ONECUT1: variants seen among roughly 807,000 people sequenced by gnomAD.
ONECUT1 encodes one cut homeobox 1.
Under a neutral mutation model 25.6 loss-of-function variants are expected in ONECUT1, and 12 were observed. That is an observed-to-expected ratio of 0.47 (90% CI 0.30 to 0.76). The LOEUF is 0.76. Ranked by LOEUF, ONECUT1 falls within the 30% of genes least tolerant of loss-of-function variation. The pLI is 0.07. For missense variants in ONECUT1, 620 were observed against 651.2 expected (o/e 0.95, Z 0.52); for synonymous variants, 285 against 270.2 (o/e 1.05, Z -0.54).
chr15:52,759,718 G>A lies in ONECUT1; in HGVS notation c.1106-1871C>T, dbSNP rs928750660. On this transcript the variant is annotated intron_variant, in intron 1 of 1. Coordinates refer to ENST00000305901, the MANE Select transcript of ONECUT1 (RefSeq NM_004498.4). ...GGGCTCAAGCGATCCTCTCACCTCAGCCTCTGGAGTAGCTGGCACTACAGG... is the reference window on the plus strand; with the variant it reads ...GGGCTCAAGCGATCCTCTCACCTCAACCTCTGGAGTAGCTGGCACTACAGG... 7.2e-5 allele frequency among the ~76,000 whole-genome samples: 11 copies of A among 152,098 alleles called. No homozygotes were observed. In the East Asian group the frequency reaches 1.9e-3, roughly 27 times the overall value.
intron 1 of ONECUT1, among the ~76,000 whole-genome samples, chr15:52,777,401 G>A (rs1214781374): frequency 4.6e-5 from 7 of 152,082 alleles, no homozygotes; most frequent in Non-Finnish European, 1.0e-4. Context: ...AGAGGAATAG[G>A]ACACCCTCAG....
chr15:52,776,163 G>A lies in ONECUT1; in HGVS notation c.1105+12617C>T, dbSNP rs150167497. ...TCTCTCTCAGTAAGTAACAGGTTCC[G>A]GTGAGGCAGAAACAATCTAACTGAT... On this transcript the variant is annotated intron_variant, in intron 1 of 1. Coordinates refer to ENST00000305901, the MANE Select transcript of ONECUT1 (RefSeq NM_004498.4). 4.8e-4 allele frequency among the ~76,000 whole-genome samples: 73 copies of A among 152,280 alleles called. 1 individual carries two copies. The highest frequency in any genetic ancestry group is 3.4e-3 in the Middle Eastern group (1 of 294).
rs1555414730 is a variant in ONECUT1, at chr15:52,755,882, A to C, written c.*1673T>G. On this transcript the variant is annotated 3_prime_UTR_variant, in exon 2 of 2. Coordinates refer to ENST00000305901, the MANE Select transcript of ONECUT1 (RefSeq NM_004498.4). ...ACTGGGGTACCACTAATACGACTTC[A>C]TTTTTTTTTTGACTTTGACTTCTAC... is the stretch of plus-strand genomic sequence containing the variant. Among the ~76,000 whole-genome samples the C allele has an allele frequency of 6.7e-6, 1 of 149,628 alleles. No homozygotes were observed. Among genetic ancestry groups the C allele is most frequent in the Non-Finnish European group, 1.5e-5 (1 of 67,186 alleles).
In ONECUT1 at chr15:52,784,672, G is replaced by A. The variant is rs1596057066; in HGVS notation, c.1105+4108C>T. ...CTACACCCTCGAGGGGACAGACACC[G>A]GCCGTGAGACAGGCACCACGCAGAG... On this transcript the variant is annotated intron_variant, in intron 1 of 1. Transcript: ENST00000305901. The surrounding 1 kb of genome is among the most constrained non-coding windows in gnomAD (Gnocchi z 5.0). 6.6e-6 allele frequency among the ~76,000 whole-genome samples: 1 copy of A among 152,342 alleles called. No individual in the cohort carries two copies. The highest frequency in any genetic ancestry group is 1.9e-4 in the East Asian group (1 of 5,186).
intron 1 of ONECUT1, chr15:52,780,490 A>G: frequency 8.4e-7 from 1 of 1,196,956 alleles, no homozygotes; most frequent in Non-Finnish European, 1.2e-6. Context: ...TTAGTGTGAC[A>G]AATATGTCTT....
In ONECUT1 at chr15:52,790,071, G is replaced by A. The variant is rs962572881; in HGVS notation, c.-187C>T. ...TGTGTCCGTGTGTGCGTGTGCGTGT[G>A]TGTGTGTGTGTGTGTCTCGCCTTCC... On this transcript the variant is annotated 5_prime_UTR_variant, in exon 1 of 2. Transcript: ENST00000305901. The A allele has an allele frequency of 1.6e-5, 11 of 695,812 alleles. No individual in the cohort carries two copies. In the East Asian group the frequency reaches 3.8e-4, roughly 24 times the overall value. The allele number at this position is 695,812 out of a possible 1,614,324, so 43.1% of individuals were successfully genotyped here.
chr15:52,786,089 G>A (rs1156689490), intron 1 of ONECUT1: 1 of 152,290 alleles, frequency 6.6e-6, no homozygotes, highest in Non-Finnish European at 1.5e-5. Flanking sequence ...TCCCCATATG[G>A]GAGCTGGTAG....
At chr15:52,777,616 C>T (rs2083809084) in intron 1 of ONECUT1, among the ~76,000 whole-genome samples, 1 of 151,328 alleles carries the variant, frequency 6.6e-6, no homozygotes, top group Non-Finnish European at 1.5e-5. Flanking sequence ...CTTCTTCCTC[C>T]ATTTCTGTCC....
intron 1 of ONECUT1, among the ~76,000 whole-genome samples, chr15:52,761,043 G>A (rs2083702979): frequency 6.6e-6 from 1 of 150,784 alleles, no homozygotes; most frequent in Non-Finnish European, 1.5e-5. Context: ...CCCATATCTA[G>A]TGGGGGTGGG....
chr15:52,767,486 G>T (rs7172228), intron 1 of ONECUT1, among the ~76,000 whole-genome samples: 22,774 of 151,982 alleles, frequency 0.15, 3,834 homozygotes, highest in African/African-American at 0.42. Flanking sequence ...TCATTCACGC[G>T]CATGTGCACA....
chr15:52,755,276 G>A lies in ONECUT1; in HGVS notation c.*2279C>T, dbSNP rs191374818. On this transcript the variant is annotated 3_prime_UTR_variant, in exon 2 of 2. Coordinates refer to ENST00000305901, the MANE Select transcript of ONECUT1 (RefSeq NM_004498.4). Reference sequence around the variant, plus strand: ...GGCTCCCTCCATCCCTGGAGAGAGAGAAAATGTTAATCAGTTTTTTCCTTT... The same window carrying A: ...GGCTCCCTCCATCCCTGGAGAGAGAAAAAATGTTAATCAGTTTTTTCCTTT... 1.7e-3 allele frequency among the ~76,000 whole-genome samples: 259 copies of A among 152,260 alleles called. 2 individuals carry two copies. Among genetic ancestry groups the A allele is most frequent in the Non-Finnish European group, 2.9e-3 (197 of 68,008 alleles).
At chr15:52,763,252 A>C (rs2083715931) in intron 1 of ONECUT1, among the ~76,000 whole-genome samples, 1 of 152,214 alleles carries the variant, frequency 6.6e-6, no homozygotes, top group Non-Finnish European at 1.5e-5. Flanking sequence ...AAAGTATATC[A>C]GACAAATGAC....
At chr15:52,765,027 T>C (rs1322734952) in intron 1 of ONECUT1, among the ~76,000 whole-genome samples, 1 of 152,202 alleles carries the variant, frequency 6.6e-6, no homozygotes, top group Non-Finnish European at 1.5e-5. Flanking sequence ...AGATTCCTGA[T>C]GGGCTTGGCC....
intron 1 of ONECUT1, among the ~76,000 whole-genome samples, chr15:52,778,342 G>A (rs1442242864): frequency 2.0e-5 from 3 of 152,036 alleles, no homozygotes; most frequent in African/African-American, 7.2e-5. Context: ...GTCAGTGAAC[G>A]TTTAGGCTTT....
chr15:52,775,851 A>G (rs2083796478), intron 1 of ONECUT1, among the ~76,000 whole-genome samples: 1 of 152,154 alleles, frequency 6.6e-6, no homozygotes, highest in African/African-American at 2.4e-5. Context: ...ACTTTCCAAC[A>G]TTTGTCTGCC....
Position 52,789,690 on chromosome 15 carries a change from G to A in ONECUT1, c.195C>T (p.Gly65=). ...MASLLDGGSG[G]GDYHHHHRAP... is the part of the protein sequence containing the mutation. ...CCCGGTGGTGGTGGTGGTAATCTCC[G>A]CCGCCGCTGCCGCCGTCCAGCAGGG... The change falls in exon 1 of 2, where the codon GGC becomes GGT. Residue 65 remains glycine, a synonymous_variant. Coordinates refer to ENST00000305901, the MANE Select transcript of ONECUT1 (RefSeq NM_004498.4). The surrounding 1 kb of genome is among the most constrained non-coding windows in gnomAD (Gnocchi z 4.1). 6.7e-7 allele frequency: 1 copy of A among 1,493,508 alleles called. No homozygotes were observed. The highest frequency in any genetic ancestry group is 1.4e-5 in the African/African-American group (1 of 69,914). The allele number at this position is 1,493,508 out of a possible 1,614,324, so 92.5% of individuals were successfully genotyped here.
rs74012469 is a variant in ONECUT1, at chr15:52,763,397, G to A, written c.1106-5550C>T. On this transcript the variant is annotated intron_variant, in intron 1 of 1. Transcript: ENST00000305901. ...AGATTATGAAGAAAAAAAAAACAGA[G>A]CATGAGGGTGTGGGCAAAGGACAGA... Among the ~76,000 whole-genome samples the A allele has an allele frequency of 8.0e-3, 1,213 of 152,146 alleles. 17 individuals are homozygous for A. Among genetic ancestry groups the A allele is most frequent in the African/African-American group, 0.028 (1,178 of 41,506 alleles).
chr15:52,778,932 A>G lies in ONECUT1; in HGVS notation c.1105+9848T>C, dbSNP rs533540735. 7.2e-5 allele frequency among the ~76,000 whole-genome samples: 11 copies of G among 152,316 alleles called. 1 individual carries two copies. The South Asian group carries it at 2.3e-3, about 32-fold the overall frequency. On this transcript the variant is annotated intron_variant, in intron 1 of 1. Transcript: ENST00000305901. The stretch of plus-strand genomic sequence containing the variant: ...AAGGTTAAATTACTTGACAATGTCT[A>G]AGAGCTAATTACTACAGAAATCTTC...
In ONECUT1 at chr15:52,789,120, G is replaced by C. The variant is rs547041805; in HGVS notation, c.765C>G (p.His255Gln). 2.5e-6 allele frequency: 4 copies of C among 1,601,028 alleles called. No individual in the cohort carries two copies. The change falls in exon 1 of 2, where the codon CAC becomes CAG. Residue 255 changes from histidine to glutamine, a missense_variant. This residue lies in a region of ONECUT1 where 440 missense variants were observed against 404.9 expected (regional missense o/e 1.09). Transcript: ENST00000305901. The surrounding 1 kb of genome is among the most constrained non-coding windows in gnomAD (Gnocchi z 4.1). ...NGLPPHHPHA[H>Q]LNAQGHGQLL... is the part of the protein sequence containing the mutation. ...GTTGCCCGTGGCCCTGGGCGTTCAGGTGGGCGTGGGGATGGTGCGGAGGAA... is the reference window on the plus strand; with the variant it reads ...GTTGCCCGTGGCCCTGGGCGTTCAGCTGGGCGTGGGGATGGTGCGGAGGAA...
Sources: allele counts gnomAD v4.1 joint callset (sites outside exome capture counted in the v4.1 genomes callset), GRCh38; gene constraint gnomAD v4.1.1; regional missense constraint gnomAD v4.1.1; non-coding constraint Gnocchi (gnomAD v3.1); transcripts MANE v1.5; gene names NCBI Gene and HGNC (gene_info 2026-07-23, HGNC 2026-07-21).